EIF4G3: variants seen among roughly 807,000 people sequenced by gnomAD.
EIF4G3 encodes eukaryotic translation initiation factor 4 gamma 3.
EIF4G3 carries 34 observed loss-of-function variants against 186.4 expected under a neutral mutation model. That is an observed-to-expected ratio of 0.18 (90% CI 0.14 to 0.24). EIF4G3 has a LOEUF of 0.24. Among genes scored for constraint, EIF4G3 ranks in the 10% least tolerant of loss-of-function variants. The pLI is 1.00. For missense variants in EIF4G3, 1,536 were observed against 1,948.5 expected (o/e 0.79, Z 3.99); for synonymous variants, 673 against 679.5 (o/e 0.99, Z 0.15).
In EIF4G3 at chr1:21,050,896, CG is replaced by C; in HGVS notation, c.-98del. ...AGAGTCCAGGGGACGATGCATGTCC[CG>C]GGGGCGTTGCCGCAAGATTTGGATG... On this transcript the variant is annotated 5_prime_UTR_variant, in exon 4 of 37. Coordinates refer to ENST00000602326, the MANE Select transcript of EIF4G3 (RefSeq NM_001391906.1). 1 of 713,412 alleles carries C rather than the reference CG, an allele frequency of 1.4e-6. No individual in the cohort carries two copies. Among genetic ancestry groups the C allele is most frequent in the East Asian group, 2.7e-5 (1 of 37,182 alleles). The allele number at this position is 713,412 out of a possible 1,614,324, so 44.2% of individuals were successfully genotyped here. A position where few individuals can be genotyped will look rare whatever the true frequency, so the allele number is the denominator to read the frequency against.
At chr1:20,896,210 A>G (rs1302156549) in intron 16 of EIF4G3, among the ~76,000 whole-genome samples, 1 of 152,178 alleles carries the variant, frequency 6.6e-6, no homozygotes, top group African/African-American at 2.4e-5. Flanking sequence ...TAATCCCAGT[A>G]CTTTGGGAGG....
intron 21 of EIF4G3, 109 bp from the exon 22 acceptor site, chr1:20,864,821 A>T (rs2077202222): frequency 2.0e-6 from 2 of 1,017,568 alleles, no homozygotes; most frequent in African/African-American, 3.2e-5. Context: ...TAGCAAGTGT[A>T]GAATCTACTG....
intron 2 of EIF4G3, among the ~76,000 whole-genome samples, chr1:21,160,081 T>G (rs999701704): frequency 4.8e-5 from 7 of 144,488 alleles, no homozygotes; most frequent in African/African-American, 1.8e-4. Flanking sequence ...CACTCCAGCT[T>G]GGGCAGCAAG....
intron 2 of EIF4G3, among the ~76,000 whole-genome samples, chr1:21,172,548 T>C (rs1292401201): frequency 6.6e-6 from 1 of 151,838 alleles, no homozygotes; most frequent in Non-Finnish European, 1.5e-5. Context: ...GCAATCCTAT[T>C]TATTTATTTA....
At chr1:20,854,738 T>C (rs898550894) in intron 26 of EIF4G3, among the ~76,000 whole-genome samples, 5 of 149,294 alleles carry the variant, frequency 3.3e-5, no homozygotes, top group South Asian at 2.1e-4. Flanking sequence ...AATAAATAAA[T>C]AAATAAAGGT....
rs750512250 is a variant in EIF4G3 at position 21,005,554 on chromosome 1, C to T, written c.-66-2746G>A. Among the ~76,000 whole-genome samples, 132 of 152,240 alleles carry T rather than the reference C, an allele frequency of 8.7e-4. 1 individual carries two copies. Among genetic ancestry groups the T allele is most frequent in the Non-Finnish European group, 6.9e-4 (47 of 67,982 alleles). ...AATCCACTGTATTTCATTGAAGATG[C>T]TAAAAATATACATGACAACCTTATT... On this transcript the variant is annotated intron_variant, in intron 4 of 36. Transcript: ENST00000602326.
chr1:20,980,276 CA>C, intron 10 of EIF4G3, 57 bp downstream of exon 10: 1 of 1,273,566 alleles, frequency 7.9e-7, no homozygotes, highest in Admixed American at 3.2e-5. Flanking sequence ...ACCCACCAAG[CA>C]ACAAAATTAA....
intron 3 of EIF4G3, among the ~76,000 whole-genome samples, chr1:21,080,487 T>C (rs1183963639): frequency 6.6e-6 from 1 of 152,010 alleles, no homozygotes; most frequent in Admixed American, 6.6e-5. Flanking sequence ...GTAATTTAAA[T>C]AATTTATAGG....
At chr1:20,934,444 G>A (rs976092217) in intron 14 of EIF4G3, among the ~76,000 whole-genome samples, 1 of 152,054 alleles carries the variant, frequency 6.6e-6, no homozygotes, top group Non-Finnish European at 1.5e-5. Context: ...GACTGTAAGA[G>A]ACAACTAAGA....
At chr1:20,950,324 A>C (rs1052656959) in intron 12 of EIF4G3, among the ~76,000 whole-genome samples, 1 of 152,176 alleles carries the variant, frequency 6.6e-6, no homozygotes, top group African/African-American at 2.4e-5. Flanking sequence ...AAAAAGAGGA[A>C]GGAAAAGAAA....
chr1:20,969,343 C>T, intron 12 of EIF4G3, 131 bp downstream of exon 12: 2 of 1,040,534 alleles, frequency 1.9e-6, no homozygotes, highest in South Asian at 1.9e-5. Context: ...GTTTAAATAC[C>T]ATTTAGATAT....
At chr1:20,955,580 A>G (rs1332427726) in intron 12 of EIF4G3, among the ~76,000 whole-genome samples, 2 of 152,208 alleles carry the variant, frequency 1.3e-5, no homozygotes, top group Admixed American at 6.5e-5. Flanking sequence ...AGAATGAACT[A>G]GAGCAAGGAA....
At chr1:21,111,771 T>TA (rs1449892863) in intron 2 of EIF4G3, among the ~76,000 whole-genome samples, 2 of 152,242 alleles carry the variant, frequency 1.3e-5, no homozygotes, top group African/African-American at 4.8e-5. Flanking sequence ...TACATGCATT[T>TA]ATTCACTTCC....
chr1:21,099,855 A>T (rs2096477026), intron 2 of EIF4G3, among the ~76,000 whole-genome samples: 1 of 152,144 alleles, frequency 6.6e-6, no homozygotes, highest in Admixed American at 6.6e-5. Flanking sequence ...TGGTTCAGTA[A>T]TTTCACTCCT....
At chr1:20,975,190 T>C (rs191338629) in intron 10 of EIF4G3, among the ~76,000 whole-genome samples, 87 of 152,258 alleles carry the variant, frequency 5.7e-4, no homozygotes, top group African/African-American at 1.9e-3. Context: ...GAGTAAACTA[T>C]TCTCAAAGCA....
chr1:20,870,916 T>A (rs1336445201), intron 20 of EIF4G3, among the ~76,000 whole-genome samples: 3 of 152,218 alleles, frequency 2.0e-5, no homozygotes, highest in African/African-American at 7.2e-5. Context: ...ATGGTATGCC[T>A]TAGTAGAGCT....
intron 2 of EIF4G3, among the ~76,000 whole-genome samples, chr1:21,119,595 A>G (rs2102333277): frequency 6.6e-6 from 1 of 152,318 alleles, no homozygotes; most frequent in Non-Finnish European, 1.5e-5. Context: ...TGGCAAACAA[A>G]AAGTAAATAT....
In EIF4G3 at chr1:21,064,792, T is replaced by C. The variant is rs1032370508; in HGVS notation, c.-195-13798A>G. 4 of 152,198 alleles carry C rather than the reference T, an allele frequency of 2.6e-5. 1 individual carries two copies. Among genetic ancestry groups the C allele is most frequent in the African/African-American group, 9.7e-5 (4 of 41,442 alleles). 9.4% of individuals were successfully genotyped at this position (152,198 alleles called of 1,614,324 possible). A position where few individuals can be genotyped will look rare whatever the true frequency, so the allele number is the denominator to read the frequency against. Reference sequence around the variant, plus strand: ...AGGAATACATATATTACAGGCCAATTGCTGTCCTTGTGGTCAGAAGCAGGA... The same window carrying C: ...AGGAATACATATATTACAGGCCAATCGCTGTCCTTGTGGTCAGAAGCAGGA... On this transcript the variant is annotated intron_variant, in intron 3 of 36. Transcript: ENST00000602326.
intron 30 of EIF4G3, among the ~76,000 whole-genome samples, chr1:20,830,288 T>C (rs1211047547): frequency 6.6e-6 from 1 of 152,164 alleles, no homozygotes. Context: ...GCTACCACCA[T>C]AGGCAGGGTC....
Sources: gnomAD v4.1 joint callset for allele counts (sites outside exome capture counted in the v4.1 genomes callset) on GRCh38, gnomAD v4.1.1 for gene constraint, MANE v1.5 for transcripts, NCBI Gene and HGNC (gene_info 2026-07-23, HGNC 2026-07-21) for gene names.